The following RAMAC variants were observed in gnomAD, a reference collection of about 807,000 sequenced individuals.
RAMAC encodes RNA guanine-7 methyltransferase activating subunit.
In RAMAC, 11 loss-of-function variants were observed where a neutral mutation model predicts 17.9. The observed-to-expected ratio is 0.61, with a 90% CI of 0.39 to 1.02. RAMAC has a LOEUF of 1.02. RAMAC is among the 50% of genes least tolerant of loss of function. RAMAC has a pLI of 0.01. For missense variants in RAMAC, 109 were observed against 144.0 expected (o/e 0.76, Z 1.25); for synonymous variants, 27 against 48.4 (o/e 0.56, Z 1.84).
chr15:82,986,752 C>A (rs945324034), intron 1 of RAMAC, among the ~76,000 whole-genome samples: 3 of 152,162 alleles, frequency 2.0e-5, no homozygotes, highest in Non-Finnish European at 4.4e-5. Flanking sequence ...TAGCAGTATT[C>A]AAGTACAAAT....
chr15:82,988,108 G>A (rs986298773), intron 2 of RAMAC, among the ~76,000 whole-genome samples: 4 of 151,164 alleles, frequency 2.6e-5, no homozygotes, highest in South Asian at 4.2e-4. Flanking sequence ...AGGCCAAAGC[G>A]GGCGGATTAT....
Position 82,989,179 on chromosome 15 carries a change from G to A in RAMAC, c.161G>A (p.Arg54Lys), listed in dbSNP as rs1342868521. The A allele has an allele frequency of 6.2e-7, 1 of 1,612,518 alleles. No individual in the cohort carries two copies. The highest frequency in any genetic ancestry group is 1.7e-5 in the Admixed American group (1 of 59,608). ...NSRAGGNQRN[R>K]GNRLQDNRQF... The stretch of plus-strand genomic sequence containing the variant: ...AGAGCTGGTGGGAACCAAAGAAACA[G>A]AGGCAATCGGTGTGTATTCAAAAGA... The change falls in exon 3 of 4, where the codon AGA (arginine) becomes AAA (lysine). Residue 54 changes from arginine (R) to lysine (K), a missense_variant. Coordinates refer to ENST00000304191, the MANE Select transcript of RAMAC (RefSeq NM_031452.4).
chr15:82,990,155 C>G lies in RAMAC; in HGVS notation c.*88C>G. 1.9e-6 allele frequency: 1 copy of G among 520,274 alleles called. No individual in the cohort carries two copies. Among genetic ancestry groups the G allele is most frequent in the South Asian group, 4.9e-5 (1 of 20,574 alleles). 32.2% of individuals were successfully genotyped at this position (520,274 alleles called of 1,614,324 possible). On this transcript the variant is annotated 3_prime_UTR_variant, in exon 4 of 4. Transcript: ENST00000304191. ...TCTTCTGTTGGTCATAGTTTTACAT[C>G]TGATTTTACAGAATGGATTATTGAT...
chr15:82,990,428 T>G lies in RAMAC; in HGVS notation c.*361T>G, dbSNP rs1340133768. ...TAAGGTAAGAGAGTATCCATATGCTTAGATGTGCTCGTTTCTAAAATTCTA... is the reference window on the plus strand; with the variant it reads ...TAAGGTAAGAGAGTATCCATATGCTGAGATGTGCTCGTTTCTAAAATTCTA... On this transcript the variant is annotated 3_prime_UTR_variant, in exon 4 of 4. Transcript: ENST00000304191. The G allele has an allele frequency of 2.0e-6, 1 of 495,158 alleles. No homozygotes were observed. Among genetic ancestry groups the G allele is most frequent in the Admixed American group, 3.9e-5 (1 of 25,634 alleles). The allele number at this position is 495,158 out of a possible 1,614,324, so 30.7% of individuals were successfully genotyped here.
In RAMAC at chr15:82,990,840, A is replaced by G. The variant is rs1440668751; in HGVS notation, c.*773A>G. 2.0e-6 allele frequency: 1 copy of G among 508,472 alleles called. No homozygotes were observed. The highest frequency in any genetic ancestry group is 1.9e-5 in the African/African-American group (1 of 52,602). The allele number at this position is 508,472 out of a possible 1,614,324, so 31.5% of individuals were successfully genotyped here. On this transcript the variant is annotated 3_prime_UTR_variant, in exon 4 of 4. Transcript: ENST00000304191. ...TTTTTAATCCTGTAAATAATGCTGC[A>G]TTTTGATGGTTCTTACTTTTTTGGT...
chr15:82,990,065 T>C lies in RAMAC; in HGVS notation c.355T>C (p.Ter119ArgextTer1), dbSNP rs1044382171. 1.0e-5 allele frequency: 14 copies of C among 1,362,256 alleles called. No homozygotes were observed. Among genetic ancestry groups the C allele is most frequent in the Middle Eastern group, 1.9e-4 (1 of 5,262 alleles). 84.4% of individuals were successfully genotyped at this position (1,362,256 alleles called of 1,614,324 possible). ...YNQRPPYGYY* is the reference protein window; with the variant it reads ...YNQRPPYGYYR ...CCAGCGGCCTCCTTACGGTTACTAC[T>C]GATAGAAATGTTGGCAGCTTTTAGT... is the stretch of plus-strand genomic sequence containing the variant. The change falls in exon 4 of 4, where the codon TGA (stop) becomes CGA (arginine). Residue 119 changes from the stop codon to arginine (R), a stop_lost. Coordinates refer to ENST00000304191, the MANE Select transcript of RAMAC (RefSeq NM_031452.4).
intron 1 of RAMAC, 90 bp from the exon 2 acceptor site, chr15:82,987,246 T>A (rs1478443905): frequency 2.6e-5 from 4 of 152,296 alleles, no homozygotes; most frequent in East Asian, 3.9e-4. Flanking sequence ...ATTCTTTCCT[T>A]GAATAAGACT....
Position 82,988,770 on chromosome 15 carries a change from G to A in RAMAC, c.-9-240G>A, listed in dbSNP as rs1359843671. On this transcript the variant is annotated intron_variant, in intron 2 of 3. Coordinates refer to ENST00000304191, the MANE Select transcript of RAMAC (RefSeq NM_031452.4). The stretch of plus-strand genomic sequence containing the variant: ...GATTGTTTGAGCCAGGGAAGTCAAG[G>A]CTGCAGTGACCCGAGGTTGTGCCGC... 11 of 483,216 alleles carry A rather than the reference G, an allele frequency of 2.3e-5. No homozygotes were observed. In the East Asian group the frequency reaches 4.7e-4, roughly 21 times the overall value. 29.9% of individuals were successfully genotyped at this position (483,216 alleles called of 1,614,324 possible). A position where few individuals can be genotyped will look rare whatever the true frequency, so the allele number is the denominator to read the frequency against.
At chr15:82,989,410 T>G (rs1043091308) in intron 3 of RAMAC, among the ~76,000 whole-genome samples, 1 of 152,232 alleles carries the variant, frequency 6.6e-6, no homozygotes, top group Admixed American at 6.5e-5. Flanking sequence ...TGTTTTTTTG[T>G]TTTTAGATGT....
chr15:82,989,245 C>T, intron 3 of RAMAC, 57 bp downstream of exon 3: 1 of 1,570,158 alleles, frequency 6.4e-7, no homozygotes, highest in South Asian at 1.2e-5. Flanking sequence ...TAGCTTTAAT[C>T]TGCTAGACTG....
At chr15:82,987,043 G>T (rs1463806498) in intron 1 of RAMAC, among the ~76,000 whole-genome samples, 1 of 151,756 alleles carries the variant, frequency 6.6e-6, no homozygotes, top group Non-Finnish European at 1.5e-5. Flanking sequence ...TCAGCCTCCC[G>T]AGTAGCTGGG....
intron 3 of RAMAC, among the ~76,000 whole-genome samples, 196 bp from the exon 4 acceptor site, chr15:82,989,685 A>T (rs1361986481): frequency 6.6e-6 from 1 of 152,236 alleles, no homozygotes; most frequent in Non-Finnish European, 1.5e-5. Flanking sequence ...AAGTGTACCT[A>T]GTATAATACT....
At chr15:82,988,794 G>A (rs997450141) in intron 2 of RAMAC, 70 of 491,016 alleles carry the variant, frequency 1.4e-4, no homozygotes, top group Middle Eastern at 5.1e-4. Context: ...AGGTTGTGCC[G>A]CTGTGCTCCA....
intron 2 of RAMAC, among the ~76,000 whole-genome samples, chr15:82,987,664 G>T (rs1484500086): frequency 6.6e-6 from 1 of 152,160 alleles, no homozygotes; most frequent in African/African-American, 2.4e-5. Context: ...TTGAGAATTT[G>T]ATATAGTTTG....
intron 1 of RAMAC, among the ~76,000 whole-genome samples, chr15:82,986,847 G>A (rs566585024): frequency 1.3e-5 from 2 of 152,320 alleles, no homozygotes; most frequent in South Asian, 4.1e-4. Context: ...AGGCCCAGAG[G>A]ACAAATCTTG....
Position 82,989,981 on chromosome 15 carries a change from T to C in RAMAC, c.271T>C (p.Tyr91His), listed in dbSNP as rs1407227706. ...QWHGRSWGNN[Y>H]PQHRQEPYYP... Reference sequence around the variant, plus strand: ...GCATGGACGATCCTGGGGTAACAACTACCCGCAACACAGACAAGAACCTTA... The same window carrying C: ...GCATGGACGATCCTGGGGTAACAACCACCCGCAACACAGACAAGAACCTTA... The change falls in exon 4 of 4, where the codon TAC becomes CAC. Residue 91 changes from tyrosine to histidine, a missense_variant. Transcript: ENST00000304191. The C allele has an allele frequency of 1.2e-6, 2 of 1,604,932 alleles. No individual in the cohort carries two copies. The highest frequency in any genetic ancestry group is 1.7e-6 in the Non-Finnish European group (2 of 1,173,720).
At chr15:82,989,314 C>A in intron 3 of RAMAC, 126 bp downstream of exon 3, 1 of 768,004 alleles carries the variant, frequency 1.3e-6, no homozygotes, top group Non-Finnish European at 2.0e-6. Flanking sequence ...TACCTAATAA[C>A]AGTACCTGGT....
At chr15:82,989,306 C>T (rs2030758573) in intron 3 of RAMAC, 118 bp downstream of exon 3, 1 of 865,268 alleles carries the variant, frequency 1.2e-6, no homozygotes, top group Non-Finnish European at 1.7e-6. Flanking sequence ...ATACCTAGTA[C>T]CTAATAACAG....
intron 2 of RAMAC, chr15:82,988,484 A>G (rs887591358): frequency 2.3e-5 from 5 of 218,956 alleles, no homozygotes; most frequent in Admixed American, 1.6e-4. Context: ...AGTTATCACA[A>G]TAGCTTCCAT....
Sources: allele counts gnomAD v4.1 joint callset (sites outside exome capture counted in the v4.1 genomes callset), GRCh38; gene constraint gnomAD v4.1.1; transcripts MANE v1.5; gene names NCBI Gene and HGNC (gene_info 2026-07-23, HGNC 2026-07-21).